The following DENND5B variants were observed in gnomAD, a reference collection of about 807,000 sequenced individuals.
DENND5B encodes the protein DENN domain-containing protein 5B.
A neutral mutation model predicts 140.6 loss-of-function variants in DENND5B; 34 were observed. That is an observed-to-expected ratio of 0.24 (90% CI 0.18 to 0.32). DENND5B has a LOEUF of 0.32. DENND5B is among the 10% of genes least tolerant of loss of function. The pLI, the probability that DENND5B is intolerant of heterozygous loss-of-function variation, is 1.00. For synonymous variants in DENND5B, 551 were observed against 562.1 expected (o/e 0.98, Z 0.28); for missense variants, 1,142 against 1,560.2 (o/e 0.73, Z 4.52).
At chr12:31,575,293 T>C (rs1285323051) in intron 1 of DENND5B, among the ~76,000 whole-genome samples, 1 of 152,218 alleles carries the variant, frequency 6.6e-6, no homozygotes, top group East Asian at 1.9e-4. Flanking sequence ...AAATTCCTAC[T>C]GCTCAATGTA....
chr12:31,528,693 T>C (rs1453982703), intron 1 of DENND5B, among the ~76,000 whole-genome samples: 2 of 152,200 alleles, frequency 1.3e-5, no homozygotes, highest in Non-Finnish European at 2.9e-5. Flanking sequence ...GAAGATTACA[T>C]TTCTGAGGAA....
At chr12:31,472,025 G>A (rs149722584) in intron 3 of DENND5B, among the ~76,000 whole-genome samples, 3 of 152,214 alleles carry the variant, frequency 2.0e-5, no homozygotes, top group East Asian at 1.9e-4. Context: ...TATGATAATC[G>A]GGATATTCAC....
At chr12:31,493,097 A>G (rs1186872857) in intron 2 of DENND5B, among the ~76,000 whole-genome samples, 1 of 152,336 alleles carries the variant, frequency 6.6e-6, no homozygotes, top group East Asian at 1.9e-4. Flanking sequence ...AGTGTGACCC[A>G]TAACATTTCC....
At chr12:31,489,980 G>C (rs1946461741) in intron 2 of DENND5B, among the ~76,000 whole-genome samples, 1 of 152,182 alleles carries the variant, frequency 6.6e-6, no homozygotes. Context: ...CAGGAGTCCA[G>C]GTAAGAGATC....
chr12:31,450,594 T>C (rs1219334724), intron 5 of DENND5B, among the ~76,000 whole-genome samples: 1 of 152,084 alleles, frequency 6.6e-6, no homozygotes, highest in Non-Finnish European at 1.5e-5. Context: ...TGGCCTCAAA[T>C]GATCCTCCAG....
chr12:31,419,989 A>G, intron 11 of DENND5B: 1 of 983,434 alleles, frequency 1.0e-6, no homozygotes, highest in Non-Finnish European at 1.2e-6. Context: ...AAAAAAAAAA[A>G]AAAAAAGGAA....
chr12:31,483,941 T>C (rs1194750116), intron 2 of DENND5B, among the ~76,000 whole-genome samples: 1 of 150,256 alleles, frequency 6.7e-6, no homozygotes, highest in Non-Finnish European at 1.5e-5. Flanking sequence ...CTTGGCTCAC[T>C]GCAACCTCCG....
intron 20 of DENND5B, 139 bp from the exon 21 acceptor site, chr12:31,387,925 G>A: frequency 1.2e-6 from 1 of 805,798 alleles, no homozygotes; most frequent in Non-Finnish European, 1.9e-6. Context: ...CAGGAGAGAG[G>A]AAATCAAAGC....
At chr12:31,423,809 C>T (rs1297984910) in intron 10 of DENND5B, 134 bp from the exon 11 acceptor site, 4 of 775,252 alleles carry the variant, frequency 5.2e-6, no homozygotes, top group Admixed American at 4.5e-5. Flanking sequence ...AGTTGTATGA[C>T]ATTCTGAGCA....
chr12:31,449,633 G>C lies in DENND5B; in HGVS notation c.1630-1864C>G, dbSNP rs151045819. Among the ~76,000 whole-genome samples, 1,100 of 151,816 alleles carry C rather than the reference G, an allele frequency of 7.2e-3. 10 individuals are homozygous for C. The highest frequency in any genetic ancestry group is 0.01 in the Middle Eastern group (3 of 290). ...AAAAAGAATTCCATTTATATAGTTT[G>C]AGGCTACATAAAGATTAAGAAGGAA... is the stretch of plus-strand genomic sequence containing the variant. On this transcript the variant is annotated intron_variant, in intron 5 of 20. Transcript: ENST00000389082.
chr12:31,553,244 G>A (rs1176126235), intron 1 of DENND5B, among the ~76,000 whole-genome samples: 1 of 152,196 alleles, frequency 6.6e-6, no homozygotes, highest in Admixed American at 6.5e-5. Flanking sequence ...ATGTGTCCCA[G>A]AGATTCTGGT....
chr12:31,487,908 T>TG (rs992597068), intron 2 of DENND5B, among the ~76,000 whole-genome samples: 1 of 152,112 alleles, frequency 6.6e-6, no homozygotes, highest in African/African-American at 2.4e-5. Context: ...CAAAAACAGC[T>TG]GGGGGTAAAG....
chr12:31,445,711 A>AG (rs1944245565), intron 6 of DENND5B, among the ~76,000 whole-genome samples: 1 of 150,856 alleles, frequency 6.6e-6, no homozygotes, highest in African/African-American at 2.4e-5. Context: ...TCAAAAAAAA[A>AG]AAGGGTGCTG....
intron 1 of DENND5B, among the ~76,000 whole-genome samples, chr12:31,530,854 A>G (rs1052198424): frequency 1.3e-5 from 2 of 152,254 alleles, no homozygotes; most frequent in African/African-American, 4.8e-5. Context: ...CAAAGTTGCC[A>G]GTGAGGTAAT....
At chr12:31,459,566 G>A (rs1944924928) in intron 4 of DENND5B, among the ~76,000 whole-genome samples, 1 of 152,066 alleles carries the variant, frequency 6.6e-6, no homozygotes, top group Non-Finnish European at 1.5e-5. Flanking sequence ...GGGATTACAA[G>A]CGCTTGTAAT....
In DENND5B at chr12:31,392,284, A is replaced by G; in HGVS notation, c.3449T>C (p.Phe1150Ser). 1 of 1,613,948 alleles carries G rather than the reference A, an allele frequency of 6.2e-7. No homozygotes were observed. Among genetic ancestry groups the G allele is most frequent in the Non-Finnish European group, 8.5e-7 (1 of 1,179,846 alleles). Reference sequence around the variant, plus strand: ...TTATTTACCTATGAAGTCCCAGATGAAGACATTCTTGTGAAAGATGCGGGC... The same window carrying G: ...TTATTTACCTATGAAGTCCCAGATGGAGACATTCTTGTGAAAGATGCGGGC... ...KSARIFHKNVFIWDFIEKVVA... is the reference protein window; with the variant it reads ...KSARIFHKNVSIWDFIEKVVA... The change falls in exon 19 of 21, where the codon TTC (phenylalanine) becomes TCC (serine). Residue 1150 changes from phenylalanine (F) to serine (S), a missense_variant. Coordinates refer to ENST00000389082, the MANE Select transcript of DENND5B (RefSeq NM_144973.4).
rs185106156 is a variant in DENND5B at position 31,454,605 on chromosome 12, G to C, written c.1093-2129C>G. 9.9e-5 allele frequency among the ~76,000 whole-genome samples: 15 copies of C among 151,688 alleles called. 1 individual carries two copies. Among genetic ancestry groups the C allele is most frequent in the Admixed American group, 6.6e-4 (10 of 15,180 alleles). On this transcript the variant is annotated intron_variant, in intron 4 of 20. Transcript: ENST00000389082. ...TTACAGGTGTCCACCACCATGCCTG[G>C]GTAATTTTTTTATATTCTTAGTAGA...
intron 1 of DENND5B, among the ~76,000 whole-genome samples, chr12:31,512,719 G>C (rs1007532845): frequency 6.6e-6 from 1 of 151,836 alleles, no homozygotes; most frequent in Non-Finnish European, 1.5e-5. Flanking sequence ...TCTTTCTTCA[G>C]CTTTGCATTG....
intron 1 of DENND5B, among the ~76,000 whole-genome samples, chr12:31,554,745 C>T (rs1262389): frequency 0.078 from 11,849 of 152,158 alleles, 1,054 homozygotes; most frequent in African/African-American, 0.22. Context: ...TTCTTGGAGG[C>T]TTTGTTCACT....
Sources: allele counts gnomAD v4.1 joint callset (sites outside exome capture counted in the v4.1 genomes callset), GRCh38; gene constraint gnomAD v4.1.1; transcripts MANE v1.5; gene names NCBI Gene and HGNC (gene_info 2026-07-23, HGNC 2026-07-21).